The following CRB1 variants were observed in gnomAD, a reference collection of about 807,000 sequenced individuals.
CRB1 encodes the protein protein crumbs homolog 1.
CRB1 carries 83 observed loss-of-function variants against 120.0 expected under a neutral mutation model. That is an observed-to-expected ratio of 0.69 (90% confidence interval 0.58 to 0.83). The LOEUF (loss-of-function observed/expected upper bound fraction) is 0.83. CRB1 is among the 40% of genes least tolerant of loss of function. CRB1 has a pLI of 0.00. For synonymous variants in CRB1, 625 were observed against 612.5 expected, an observed-to-expected ratio of 1.02 and a Z score of -0.30; for missense variants, 1,699 against 1,687.6, an observed-to-expected ratio of 1.01 and a Z score of -0.12.
At chr1:197,473,984 T>A (rs936456970) in intron 11 of CRB1, among the ~76,000 whole-genome samples, 1 of 152,212 alleles carries the variant, frequency 6.6e-6, no homozygotes, top group Admixed American at 6.5e-5. Flanking sequence ...TTAGGGGAAC[T>A]CTTTCATCAA....
chr1:197,343,924 G>T (rs1438866276), intron 2 of CRB1, among the ~76,000 whole-genome samples: 1 of 152,144 alleles, frequency 6.6e-6, no homozygotes, highest in Non-Finnish European at 1.5e-5. Context: ...TGTTCTCTCT[G>T]CTCCTTTACT....
chr1:197,292,326 G>T (rs1293294663), intron 1 of CRB1, among the ~76,000 whole-genome samples: 1 of 152,014 alleles, frequency 6.6e-6, no homozygotes, highest in Admixed American at 6.6e-5. Flanking sequence ...AGAAGAAATG[G>T]ATAAATTCCT....
chr1:197,332,091 G>A (rs993075110), intron 2 of CRB1, among the ~76,000 whole-genome samples: 1 of 152,076 alleles, frequency 6.6e-6, no homozygotes, highest in Non-Finnish European at 1.5e-5. Flanking sequence ...AGTGAGCTGA[G>A]ATTGTGCCAT....
intron 1 of CRB1, among the ~76,000 whole-genome samples, chr1:197,275,276 CAT>C (rs1418583781): frequency 6.6e-6 from 1 of 152,124 alleles, no homozygotes; most frequent in East Asian, 1.9e-4. Context: ...AGGACTCTGA[CAT>C]ACCTTGGGGA....
At chr1:197,233,523 G>T in the CRB1 span, among the ~76,000 whole-genome samples, 3 of 152,302 alleles carry the variant, frequency 2.0e-5, no homozygotes, top group African/African-American at 7.2e-5. Context: ...AGCTGTTCAA[G>T]GTGATTTACT....
At position 197,328,645 on chromosome 1, in the gene CRB1, T is replaced by C; in HGVS notation, c.294T>C (p.Cys98=). ...GAGAAAGGAGCTTTCTGTGCAAATG[T>C]CCTCCTGGGTACAGTGGGACAATCT... ...TPGERSFLCK[C]PPGYSGTICE... The change falls in exon 2 of 12, where the codon TGT becomes TGC. Residue 98 remains cysteine (C), a synonymous_variant. Transcript: ENST00000367400. 1 of 1,614,200 alleles carries C rather than the reference T, an allele frequency of 6.2e-7. No individual in the cohort carries two copies. The highest frequency in any genetic ancestry group is 8.5e-7 in the Non-Finnish European group (1 of 1,180,024).
intron 1 of CRB1, among the ~76,000 whole-genome samples, chr1:197,298,743 A>G (rs1478748069): frequency 9.9e-5 from 15 of 152,244 alleles, no homozygotes; most frequent in Admixed American, 9.2e-4. Context: ...GTGGAAAATT[A>G]TACATAAGAG....
chr1:197,339,409 C>T (rs191765436), intron 2 of CRB1, among the ~76,000 whole-genome samples: 6 of 152,216 alleles, frequency 3.9e-5, no homozygotes, highest in Admixed American at 2.0e-4. Flanking sequence ...ACTTGATATA[C>T]ATAAAAAGCC....
rs551032533 is a variant in CRB1, at chr1:197,429,098, T to C, written c.2677-351T>C. 19 of 1,518,256 alleles carry C rather than the reference T, an allele frequency of 1.3e-5. No individual in the cohort carries two copies. The South Asian group carries it at 2.2e-4, about 17-fold the overall frequency. 94.0% of individuals were successfully genotyped at this position (1,518,256 alleles called of 1,614,324 possible). A position where few individuals can be genotyped will look rare whatever the true frequency, so the allele number is the denominator to read the frequency against. On this transcript the variant is annotated intron_variant, in intron 7 of 11. Coordinates refer to ENST00000367400, the MANE Select transcript of CRB1 (RefSeq NM_201253.3). ...GGAAACACCTTCTTTTTATCATCTA[T>C]AAAACCAGGAGTAAGAATCCCTTCC... is the stretch of plus-strand genomic sequence containing the variant.
rs1558156889 is a variant in CRB1, at chr1:197,460,206, T to TA, written c.4006-17452dup. Reference sequence around the variant, plus strand: ...AGCAAATTCCCTGGATCAGCATCACTAAAAAAGAGTCTCTGGGGCAATAGA... The same window carrying TA: ...AGCAAATTCCCTGGATCAGCATCACTAAAAAAAGAGTCTCTGGGGCAATAGA... On this transcript the variant is annotated intron_variant, in intron 11 of 11. Transcript: ENST00000367400. Among the ~76,000 whole-genome samples the TA allele has an allele frequency of 5.9e-5, 9 of 152,024 alleles. 1 individual carries two copies. In the South Asian group the frequency reaches 1.7e-3, roughly 28 times the overall value.
chr1:197,412,430 C>T (rs546622232), intron 5 of CRB1, among the ~76,000 whole-genome samples: 1 of 152,072 alleles, frequency 6.6e-6, no homozygotes, highest in Non-Finnish European at 1.5e-5. Flanking sequence ...GCTAATTTAC[C>T]CAAGTTCTCA....
At chr1:197,276,753 A>G (rs1369026559) in intron 1 of CRB1, among the ~76,000 whole-genome samples, 1 of 151,940 alleles carries the variant, frequency 6.6e-6, no homozygotes, top group Non-Finnish European at 1.5e-5. Context: ...TGGATTGAGT[A>G]AAACAGGGCA....
intron 11 of CRB1, chr1:197,443,121 TAAAAAAAAAAAA>T (rs11312392): frequency 2.4e-5 from 3 of 125,612 alleles, no homozygotes; most frequent in African/African-American, 8.9e-5. Flanking sequence ...AGATTCTGTC[TAAAAAAAAAAAA>T]AAAAAAAGAG....
intron 5 of CRB1, among the ~76,000 whole-genome samples, chr1:197,405,696 C>G (rs1419364127): frequency 5.3e-5 from 8 of 151,966 alleles, no homozygotes; most frequent in African/African-American, 1.9e-4. Flanking sequence ...GCCGCCCCGT[C>G]TGGGAGGTGA....
chr1:197,256,314 T>C, the CRB1 span, among the ~76,000 whole-genome samples: 1 of 151,930 alleles, frequency 6.6e-6, no homozygotes, highest in Non-Finnish European at 1.5e-5. Flanking sequence ...CTGAGGTAGG[T>C]GAGCCACAGG....
At chr1:197,262,173 G>A in the CRB1 span, among the ~76,000 whole-genome samples, 1,074 of 152,206 alleles carry the variant, frequency 7.1e-3, 11 homozygotes, top group African/African-American at 0.024. Context: ...TATAGTACGT[G>A]TAAAACAAAC....
At chr1:197,410,409 T>G (rs767894896) in intron 5 of CRB1, among the ~76,000 whole-genome samples, 1 of 152,162 alleles carries the variant, frequency 6.6e-6, no homozygotes, top group Non-Finnish European at 1.5e-5. Context: ...AAAGTAAAAT[T>G]TAATGGTAAT....
At chr1:197,275,055 C>T (rs1655125113) in intron 1 of CRB1, among the ~76,000 whole-genome samples, 1 of 151,950 alleles carries the variant, frequency 6.6e-6, no homozygotes, top group Non-Finnish European at 1.5e-5. Flanking sequence ...GTCATTCAGT[C>T]CCGGGTGTTT....
intron 5 of CRB1, among the ~76,000 whole-genome samples, chr1:197,364,611 G>A (rs1660962767): frequency 6.6e-6 from 1 of 151,788 alleles, no homozygotes; most frequent in South Asian, 2.1e-4. Flanking sequence ...CTCAGAATGA[G>A]CAAATTCTTT....
Sources: allele counts gnomAD v4.1 joint callset (sites outside exome capture counted in the v4.1 genomes callset), GRCh38; gene constraint gnomAD v4.1.1; transcripts MANE v1.5; gene names NCBI Gene and HGNC (gene_info 2026-07-23, HGNC 2026-07-21).